The following ITGA9 variants were observed in gnomAD, a reference collection of about 807,000 sequenced individuals.
ITGA9 encodes the protein integrin alpha-9.
In ITGA9, 56 loss-of-function variants were observed where a neutral mutation model predicts 127.8. The observed-to-expected ratio is 0.44, with a 90% CI of 0.35 to 0.55. The LOEUF (loss-of-function observed/expected upper bound fraction) is 0.55, where lower values mean the gene tolerates loss of function less well. Ranked by LOEUF, ITGA9 falls within the 20% of genes least tolerant of loss-of-function variation. The pLI is 0.00. For missense variants in ITGA9, 1,196 were observed against 1,347.1 expected, an observed-to-expected ratio of 0.89 and a Z score of 1.76; for synonymous variants, 508 against 514.5, an observed-to-expected ratio of 0.99 and a Z score of 0.17.
At chr3:37,551,554 G>C (rs1054699414) in intron 15 of ITGA9, among the ~76,000 whole-genome samples, 5 of 152,172 alleles carry the variant, frequency 3.3e-5, no homozygotes, top group African/African-American at 1.2e-4. Flanking sequence ...GCTTTAATCA[G>C]AAATAACATA....
chr3:37,630,199 C>A (rs1219436750), intron 16 of ITGA9, among the ~76,000 whole-genome samples: 1 of 152,150 alleles, frequency 6.6e-6, no homozygotes. Context: ...GAGTTGTAGA[C>A]TGAACCACAG....
chr3:37,528,748 T>C (rs993816961), intron 13 of ITGA9, among the ~76,000 whole-genome samples: 7 of 152,242 alleles, frequency 4.6e-5, no homozygotes, highest in Non-Finnish European at 8.8e-5. Context: ...TTCTTTGTTA[T>C]TGTTTTCTTT....
At chr3:37,503,619 A>G (rs1457043986) in intron 6 of ITGA9, among the ~76,000 whole-genome samples, 1 of 152,218 alleles carries the variant, frequency 6.6e-6, no homozygotes, top group Non-Finnish European at 1.5e-5. Context: ...TCAGGTAGAA[A>G]TGAGTGTGAT....
chr3:37,744,382 C>A (rs1251209709), intron 22 of ITGA9, among the ~76,000 whole-genome samples: 1 of 152,210 alleles, frequency 6.6e-6, no homozygotes, highest in East Asian at 1.9e-4. Context: ...ACCTTCTGGG[C>A]AGGGCTGCCT....
intron 18 of ITGA9, among the ~76,000 whole-genome samples, chr3:37,692,410 A>T (rs11712315): frequency 0.38 from 50,741 of 134,774 alleles, 9,054 homozygotes; most frequent in South Asian, 0.49. Context: ...AGAGAGAGAG[A>T]GAGTGTGTGT....
At chr3:37,636,789 C>A (rs999619354) in intron 16 of ITGA9, among the ~76,000 whole-genome samples, 24 of 151,952 alleles carry the variant, frequency 1.6e-4, no homozygotes, top group African/African-American at 5.8e-4. Flanking sequence ...GTCTTTAATC[C>A]ATCTTGAATT....
chr3:37,525,909 C>A, intron 12 of ITGA9, 117 bp from the exon 13 acceptor site: 3 of 814,960 alleles, frequency 3.7e-6, no homozygotes, highest in South Asian at 2.7e-5. Context: ...AGACAGTGGT[C>A]GTCTGAGGGC....
At chr3:37,593,780 A>C (rs1699843153) in intron 15 of ITGA9, among the ~76,000 whole-genome samples, 1 of 152,198 alleles carries the variant, frequency 6.6e-6, no homozygotes, top group African/African-American at 2.4e-5. Flanking sequence ...TGTCTCTCTA[A>C]GCTGCGGGGA....
At chr3:37,537,890 A>G (rs1699225890) in intron 14 of ITGA9, among the ~76,000 whole-genome samples, 1 of 152,246 alleles carries the variant, frequency 6.6e-6, no homozygotes, top group Non-Finnish European at 1.5e-5. Context: ...AGTATTATTC[A>G]TCACTTCATT....
chr3:37,758,329 C>CAAAAAAAAAAAAAAAAAAAAA (rs57505967), intron 23 of ITGA9, among the ~76,000 whole-genome samples: 5 of 65,988 alleles, frequency 7.6e-5, no homozygotes, highest in African/African-American at 2.7e-4. Flanking sequence ...GACTCCGTCT[C>CAAAAAAAAAAAAAAAAAAAAA]AAAAAAAAAA....
At chr3:37,527,015 A>G (rs1406616252) in intron 13 of ITGA9, among the ~76,000 whole-genome samples, 7 of 152,210 alleles carry the variant, frequency 4.6e-5, no homozygotes, top group Admixed American at 2.6e-4. Flanking sequence ...TTGAGGTTGA[A>G]TGTGAACTCA....
chr3:37,514,695 C>T (rs890067752), intron 9 of ITGA9, among the ~76,000 whole-genome samples: 1 of 152,198 alleles, frequency 6.6e-6, no homozygotes, highest in Non-Finnish European at 1.5e-5. Flanking sequence ...TCAGCCTCCC[C>T]AGTAACTGGG....
chr3:37,774,296 C>T (rs1057111736), intron 23 of ITGA9, among the ~76,000 whole-genome samples: 2 of 152,154 alleles, frequency 1.3e-5, no homozygotes, highest in African/African-American at 2.4e-5. Flanking sequence ...AGCTCATTGC[C>T]TCCTTCCCAT....
chr3:37,817,861 T>C (rs1237497794), intron 27 of ITGA9, among the ~76,000 whole-genome samples: 2 of 152,062 alleles, frequency 1.3e-5, no homozygotes, highest in African/African-American at 2.4e-5. Context: ...AGAACTAAGC[T>C]AGAGGAAATT....
chr3:37,677,882 A>G (rs1375918066), intron 17 of ITGA9, among the ~76,000 whole-genome samples: 2 of 152,262 alleles, frequency 1.3e-5, no homozygotes, highest in Non-Finnish European at 2.9e-5. Flanking sequence ...CATTGATTTT[A>G]TGATACATTG....
At chr3:37,687,391 A>C (rs990761703) in intron 18 of ITGA9, among the ~76,000 whole-genome samples, 5 of 148,898 alleles carry the variant, frequency 3.4e-5, no homozygotes, top group African/African-American at 1.3e-4. Flanking sequence ...AAAAAGGATG[A>C]CATGAGGACT....
chr3:37,647,405 A>C (rs998910361), intron 16 of ITGA9, among the ~76,000 whole-genome samples: 1 of 151,764 alleles, frequency 6.6e-6, no homozygotes, highest in African/African-American at 2.4e-5. Context: ...TTACATAGTG[A>C]AATGGCTACT....
At chr3:37,713,885 G>GT (rs1701105144) in intron 18 of ITGA9, among the ~76,000 whole-genome samples, 1 of 152,204 alleles carries the variant, frequency 6.6e-6, no homozygotes, top group Non-Finnish European at 1.5e-5. Context: ...TTCTGGTTGG[G>GT]AAACCCTACA....
chr3:37,744,015 C>A lies in ITGA9; in HGVS notation c.2414C>A (p.Pro805His). 1 of 1,613,016 alleles carries A rather than the reference C, an allele frequency of 6.2e-7. No homozygotes were observed. The highest frequency in any genetic ancestry group is 1.1e-5 in the South Asian group (1 of 91,062). ...QLDDLECHFQPINITLQVYNT... is the reference protein window; with the variant it reads ...QLDDLECHFQHINITLQVYNT... The stretch of plus-strand genomic sequence containing the variant: ...GATGACCTGGAGTGTCACTTTCAGC[C>A]CATCAATATCACCCTTCAGGTACCC... The change falls in exon 22 of 28, where the codon CCC becomes CAC. Residue 805 changes from proline to histidine, a missense_variant. Coordinates refer to ENST00000264741, the MANE Select transcript of ITGA9 (RefSeq NM_002207.3).
Sources: allele counts gnomAD v4.1 joint callset (sites outside exome capture counted in the v4.1 genomes callset), GRCh38; gene constraint gnomAD v4.1.1; transcripts MANE v1.5; gene names NCBI Gene and HGNC (gene_info 2026-07-23, HGNC 2026-07-21).